ALG14: variants seen among roughly 807,000 people sequenced by gnomAD.
ALG14 encodes UDP-N-acetylglucosamine transferase subunit ALG14.
Under a neutral mutation model 22.8 loss-of-function variants are expected in ALG14, and 17 were observed. That is an observed-to-expected ratio of 0.75 (90% CI 0.51 to 1.12). The LOEUF is 1.12. Among genes scored for constraint, ALG14 ranks in the 50% most tolerant of loss-of-function variants. The pLI, the probability that ALG14 is intolerant of heterozygous loss-of-function variation, is 0.00. For missense variants in ALG14, 288 were observed against 271.8 expected, an observed-to-expected ratio of 1.06 and a Z score of -0.42; for synonymous variants, 89 against 103.7, an observed-to-expected ratio of 0.86 and a Z score of 0.86.
chr1:95,007,921 G>A (rs911659433), intron 3 of ALG14, among the ~76,000 whole-genome samples: 2 of 152,206 alleles, frequency 1.3e-5, no homozygotes, highest in Non-Finnish European at 1.5e-5. Flanking sequence ...AACTAAATGA[G>A]AGCAGGCATA....
chr1:94,989,463 A>G (rs1379365155), intron 3 of ALG14, among the ~76,000 whole-genome samples: 1 of 152,110 alleles, frequency 6.6e-6, no homozygotes, highest in African/African-American at 2.4e-5. Flanking sequence ...ACTCCTTTCT[A>G]GGCCTCCTTA....
intron 3 of ALG14, among the ~76,000 whole-genome samples, chr1:95,020,413 C>CT (rs113866057): frequency 8.1e-5 from 12 of 148,624 alleles, no homozygotes; most frequent in East Asian, 2.0e-4. Context: ...GTGTTTTAAT[C>CT]TTTTTTTTTT....
chr1:94,982,916 GT>G lies in ALG14; in HGVS notation c.*159del. ...TGTTTGTTTCATAAGAGAAGCCTCA[GT>G]TTCTTCACTGAGTCATCTGTACATT... On this transcript the variant is annotated 3_prime_UTR_variant, in exon 4 of 4. Coordinates refer to ENST00000370205, the MANE Select transcript of ALG14 (RefSeq NM_144988.4). The G allele has an allele frequency of 1.6e-6, 1 of 633,992 alleles. No individual in the cohort carries two copies. The highest frequency in any genetic ancestry group is 2.8e-5 in the East Asian group (1 of 36,154). 39.3% of individuals were successfully genotyped at this position (633,992 alleles called of 1,614,324 possible). A position where few individuals can be genotyped will look rare whatever the true frequency, so the allele number is the denominator to read the frequency against.
rs1363587518 is a variant in ALG14, at chr1:94,974,600, T to C, written c.*8476A>G. The C allele has an allele frequency of 6.6e-6, 1 of 152,232 alleles. No homozygotes were observed. The highest frequency in any genetic ancestry group is 1.5e-5 in the Non-Finnish European group (1 of 68,032). The allele number at this position is 152,232 out of a possible 1,614,324, so 9.4% of individuals were successfully genotyped here. A position where few individuals can be genotyped will look rare whatever the true frequency, so the allele number is the denominator to read the frequency against. On this transcript the variant is annotated 3_prime_UTR_variant, in exon 4 of 4. Transcript: ENST00000370205. ...AGGAGGAAAAAAAATCATTTTCCTA[T>C]CCATGGTGTAGAAATACATCTTCTG...
At chr1:94,995,142 T>C (rs1243675352) in intron 3 of ALG14, among the ~76,000 whole-genome samples, 1 of 152,256 alleles carries the variant, frequency 6.6e-6, no homozygotes, top group Non-Finnish European at 1.5e-5. Flanking sequence ...CAGTGTTCTT[T>C]ATTTTATGTG....
intron 2 of ALG14, among the ~76,000 whole-genome samples, chr1:95,044,307 A>C (rs1191245384): frequency 6.6e-6 from 1 of 152,150 alleles, no homozygotes; most frequent in Non-Finnish European, 1.5e-5. Context: ...TGACCTGTGT[A>C]AAACAGTATG....
intron 2 of ALG14, among the ~76,000 whole-genome samples, chr1:95,032,340 A>G (rs1443773118): frequency 6.6e-6 from 1 of 152,056 alleles, no homozygotes; most frequent in African/African-American, 2.4e-5. Flanking sequence ...TGCAAGGGCC[A>G]CTCTTTAAAT....
At chr1:95,001,007 T>G (rs1673050191) in intron 3 of ALG14, among the ~76,000 whole-genome samples, 1 of 152,230 alleles carries the variant, frequency 6.6e-6, no homozygotes, top group Non-Finnish European at 1.5e-5. Flanking sequence ...TAGCTATGAT[T>G]ATCCATATTT....
intron 1 of ALG14, among the ~76,000 whole-genome samples, chr1:95,070,493 T>C (rs997924773): frequency 1.3e-4 from 20 of 152,236 alleles, no homozygotes; most frequent in Non-Finnish European, 2.4e-4. Context: ...ATGGAAAATA[T>C]TGTAATTTTG....
chr1:95,021,027 G>C (rs1673646920), intron 3 of ALG14, among the ~76,000 whole-genome samples: 1 of 152,180 alleles, frequency 6.6e-6, no homozygotes, highest in Non-Finnish European at 1.5e-5. Flanking sequence ...CTTTGATAAA[G>C]AGAATATTTA....
At chr1:94,990,009 G>T (rs576787117) in intron 3 of ALG14, among the ~76,000 whole-genome samples, 2 of 152,270 alleles carry the variant, frequency 1.3e-5, no homozygotes, top group African/African-American at 4.8e-5. Context: ...AAACATGGAT[G>T]GCGACTGCAC....
At chr1:95,036,258 G>A (rs932350681) in intron 2 of ALG14, among the ~76,000 whole-genome samples, 3 of 152,030 alleles carry the variant, frequency 2.0e-5, no homozygotes, top group Non-Finnish European at 4.4e-5. Context: ...CCCTGTGATA[G>A]TGCGTTAGTT....
chr1:95,023,368 C>A (rs1476098786), intron 3 of ALG14, among the ~76,000 whole-genome samples: 2 of 152,300 alleles, frequency 1.3e-5, no homozygotes, highest in South Asian at 2.1e-4. Context: ...AAGTGATCCG[C>A]CCGCTTTGGC....
At chr1:95,064,437 T>G (rs1443415292) in intron 2 of ALG14, among the ~76,000 whole-genome samples, 2 of 152,210 alleles carry the variant, frequency 1.3e-5, no homozygotes, top group African/African-American at 4.8e-5. Context: ...TGGCTCTTAT[T>G]ATTTTGAGGT....
At chr1:95,045,431 G>T (rs1382578546) in intron 2 of ALG14, among the ~76,000 whole-genome samples, 3 of 152,032 alleles carry the variant, frequency 2.0e-5, no homozygotes, top group African/African-American at 7.2e-5. Context: ...GACAATGTTG[G>T]AATAATAGGT....
chr1:95,016,940 GGGGTGTGTGTGTGTGTGT>G (rs1317407135), intron 3 of ALG14, among the ~76,000 whole-genome samples: 8 of 118,514 alleles, frequency 6.8e-5, no homozygotes, highest in African/African-American at 2.0e-4. Context: ...TTTTGCAAAA[GGGGTGTGTGTGTGTGTGT>G]GTGTGTGTGT....
intron 2 of ALG14, among the ~76,000 whole-genome samples, chr1:95,060,420 A>G (rs1225673732): frequency 6.6e-6 from 1 of 152,180 alleles, no homozygotes; most frequent in Non-Finnish European, 1.5e-5. Context: ...ATGGCACTAT[A>G]AAAATCCAAA....
intron 2 of ALG14, among the ~76,000 whole-genome samples, chr1:95,053,489 AC>A (rs1426975208): frequency 6.6e-6 from 1 of 152,230 alleles, no homozygotes; most frequent in Non-Finnish European, 1.5e-5. Flanking sequence ...GCTAACAAAT[AC>A]AAAGAAAAAA....
intron 3 of ALG14, among the ~76,000 whole-genome samples, chr1:95,013,082 G>A (rs937366375): frequency 4.7e-5 from 7 of 150,342 alleles, no homozygotes; most frequent in Non-Finnish European, 1.0e-4. Context: ...GTTGCAGTGA[G>A]CCGAGATTGT....
Sources: allele counts gnomAD v4.1 joint callset (sites outside exome capture counted in the v4.1 genomes callset), GRCh38; gene constraint gnomAD v4.1.1; transcripts MANE v1.5; gene names NCBI Gene and HGNC (gene_info 2026-07-23, HGNC 2026-07-21).